The following TJP1 variants were observed in gnomAD, a reference collection of about 807,000 sequenced individuals.
TJP1 encodes the protein tight junction protein 1, also known as tight junction protein ZO-1.
A neutral mutation model predicts 194.2 loss-of-function variants in TJP1; 43 were observed. The observed-to-expected ratio is 0.22, with a 90% CI of 0.17 to 0.29. The LOEUF (loss-of-function observed/expected upper bound fraction) is 0.29. Among genes scored for constraint, TJP1 ranks in the 10% least tolerant of loss-of-function variants. The pLI is 1.00. For missense variants in TJP1, 1,971 were observed against 2,185.7 expected, an observed-to-expected ratio of 0.90 and a Z score of 1.96; for synonymous variants, 801 against 779.0, an observed-to-expected ratio of 1.03 and a Z score of -0.47.
intron 8 of TJP1, among the ~76,000 whole-genome samples, chr15:29,757,083 A>G (rs2045689263): frequency 1.3e-5 from 2 of 152,148 alleles, no homozygotes; most frequent in Non-Finnish European, 2.9e-5. Context: ...GGGGATGCTG[A>G]AACACAGAGG....
chr15:29,874,038 C>T (rs2052615040), intron 2 of TJP1, among the ~76,000 whole-genome samples: 1 of 152,168 alleles, frequency 6.6e-6, no homozygotes. Flanking sequence ...CCTCCTCTCG[C>T]CTGAAATGTA....
rs145456788 is a variant in TJP1 at position 29,897,559 on chromosome 15, A to C, written c.306+58673T>G. ...AGGACCACTGTCCTCCAGACCCCAG[A>C]ATGGTAGATCCACCAACAGCGTGCA... On this transcript the variant is annotated intron_variant, in intron 2 of 28. Coordinates refer to the TJP1 transcript ENST00000356107. Among the ~76,000 whole-genome samples the C allele has an allele frequency of 3.5e-3, 529 of 152,262 alleles. 7 individuals carry two copies. The highest frequency in any genetic ancestry group is 0.012 in the African/African-American group (512 of 41,560).
chr15:29,778,260 A>G (rs369229531), intron 2 of TJP1, among the ~76,000 whole-genome samples: 3 of 151,940 alleles, frequency 2.0e-5, no homozygotes, highest in South Asian at 4.2e-4. Context: ...AACAATTTCA[A>G]AACTGCTTGC....
Position 29,718,990 on chromosome 15 carries a change from C to A in TJP1, c.3152G>T (p.Ser1051Ile). The A allele has an allele frequency of 6.2e-7, 1 of 1,614,176 alleles. No homozygotes were observed. The highest frequency in any genetic ancestry group is 8.5e-7 in the Non-Finnish European group (1 of 1,180,036). Residue 1051 changes from serine (S) to isoleucine (I), a missense_variant, in exon 21 of 28, where the codon AGC becomes ATC. Around this residue, in one of 5 missense-constraint regions of TJP1, gnomAD observed 1,108 missense variants for 1,128.5 expected, o/e 0.98. Transcript: ENST00000614355. ...PQLPYVEKQA[S>I]RDLEQPTYRY... ...GTATGTGGGCTGCTCGAGGTCTCTG[C>A]TGGCTTGTTTCTCTACGTATGGGAG...
At chr15:29,962,554 G>T (rs8037093) in intron 1 of TJP1, among the ~76,000 whole-genome samples, 145,507 of 152,244 alleles carry the variant, frequency 0.96, 69,644 homozygotes, top group East Asian at 1. Flanking sequence ...CTCAAGAGAA[G>T]GCTAATGAGT....
At chr15:29,714,826 C>T (rs1024545832) in intron 23 of TJP1, among the ~76,000 whole-genome samples, 4 of 152,150 alleles carry the variant, frequency 2.6e-5, no homozygotes, top group Non-Finnish European at 5.9e-5. Flanking sequence ...CAGGCACGAG[C>T]CACTGCGCCT....
rs541370220 is a variant in TJP1 at position 29,846,820 on chromosome 15, G to A, written c.307-46118C>T. ...GGGTGCCTGTAGTCCCAGCTACTCAGGAGGCTGCGGCAGGAGAATGGTGTG... is the reference window on the plus strand; with the variant it reads ...GGGTGCCTGTAGTCCCAGCTACTCAAGAGGCTGCGGCAGGAGAATGGTGTG... On this transcript the variant is annotated intron_variant, in intron 2 of 28. Transcript: ENST00000356107. Among the ~76,000 whole-genome samples the A allele has an allele frequency of 3.0e-4, 45 of 152,084 alleles. No homozygotes were observed. The East Asian group carries it at 3.6e-3, about 12-fold the overall frequency.
chr15:29,865,484 T>A (rs1277181606), intron 2 of TJP1, among the ~76,000 whole-genome samples: 1 of 152,238 alleles, frequency 6.6e-6, no homozygotes, highest in Non-Finnish European at 1.5e-5. Flanking sequence ...AAAGTTGCCA[T>A]ATCTCTAAGA....
At chr15:29,798,783 G>C (rs535641580) in intron 2 of TJP1, among the ~76,000 whole-genome samples, 144 of 152,236 alleles carry the variant, frequency 9.5e-4, no homozygotes, top group African/African-American at 3.4e-3. Flanking sequence ...ACTGGAGAAC[G>C]AACACACAAT....
At chr15:29,851,292 G>T (rs891434066) in intron 2 of TJP1, among the ~76,000 whole-genome samples, 2 of 151,872 alleles carry the variant, frequency 1.3e-5, no homozygotes, top group African/African-American at 4.8e-5. Context: ...TAAAATAAGG[G>T]ATATCACTAC....
rs760101723 is a variant in TJP1, at chr15:29,741,350, G to A, written c.1237C>T (p.His413Tyr). 6.3e-7 allele frequency: 1 copy of A among 1,591,948 alleles called. No individual in the cohort carries two copies. The highest frequency in any genetic ancestry group is 2.2e-5 in the East Asian group (1 of 44,526). Residue 413 changes from histidine (H) to tyrosine (Y), a missense_variant, in exon 10 of 28, where the codon CAT becomes TAT. His to Tyr is a moderately conservative substitution (Grantham distance 83). Coordinates refer to ENST00000614355, the MANE Select transcript of TJP1 (RefSeq NM_001330239.4). ...TATTACCGAAGAATCCCATCTTCAT[G>A]AGTTGAATTAGGTAGGACACCATCA... The part of the protein sequence containing the change: ...PSDGVLPNST[H>Y]EDGILRPSMK...
intron 8 of TJP1, among the ~76,000 whole-genome samples, chr15:29,756,635 GCTCT>G (rs2045660638): frequency 6.6e-6 from 1 of 152,116 alleles, no homozygotes; most frequent in Non-Finnish European, 1.5e-5. Flanking sequence ...CCATATGTTT[GCTCT>G]CTAAGAAAAG....
rs778121002 is a variant in TJP1 at position 29,968,649 on chromosome 15, C to T, written c.173+18G>A. The T allele has an allele frequency of 1.5e-4, 151 of 1,034,764 alleles. 1 individual carries two copies. The East Asian group carries it at 0.01, about 71-fold the overall frequency. 64.1% of individuals were successfully genotyped at this position (1,034,764 alleles called of 1,614,324 possible). A position where few individuals can be genotyped will look rare whatever the true frequency, so the allele number is the denominator to read the frequency against. Reference sequence around the variant, plus strand: ...CGCCTAGCCCGGCTGGGGCTCCGCGCCCGCGCGGCCGCCTCACCACAGCTT... The same window carrying T: ...CGCCTAGCCCGGCTGGGGCTCCGCGTCCGCGCGGCCGCCTCACCACAGCTT... On this transcript the variant is annotated intron_variant, in intron 1 of 28. Transcript: ENST00000356107.
intron 1 of TJP1, among the ~76,000 whole-genome samples, chr15:29,805,787 C>T (rs924376259): frequency 1.3e-5 from 2 of 152,170 alleles, no homozygotes; most frequent in Middle Eastern, 3.2e-3. Flanking sequence ...AGGACTGTGT[C>T]TGCTGTGAAG....
At chr15:29,709,160 C>T (rs1312424470) in intron 24 of TJP1, 124 bp from the exon 25 acceptor site, 3 of 866,160 alleles carry the variant, frequency 3.5e-6, no homozygotes, top group Admixed American at 2.7e-5. Context: ...CAGAGCCTGA[C>T]TCTTGAGCCC....
At chr15:29,847,821 A>C (rs966841940) in intron 2 of TJP1, among the ~76,000 whole-genome samples, 11 of 152,150 alleles carry the variant, frequency 7.2e-5, no homozygotes, top group African/African-American at 2.7e-4. Context: ...AATAAAAAAT[A>C]GAGTAAGCGG....
chr15:29,797,211 C>T (rs370688649), intron 2 of TJP1, among the ~76,000 whole-genome samples: 9 of 152,150 alleles, frequency 5.9e-5, no homozygotes, highest in Admixed American at 1.3e-4. Context: ...TGCAGTGGCA[C>T]GATGTCAGGG....
intron 8 of TJP1, among the ~76,000 whole-genome samples, chr15:29,754,856 T>C (rs1167710005): frequency 1.3e-5 from 2 of 152,228 alleles, no homozygotes; most frequent in African/African-American, 4.8e-5. Flanking sequence ...ACGCTCAACC[T>C]GTATGTAAGT....
Position 29,844,067 on chromosome 15 carries a change from CAG to C in TJP1, c.307-43367_307-43366del, listed in dbSNP as rs536337681. Among the ~76,000 whole-genome samples, 173 of 152,258 alleles carry C rather than the reference CAG, an allele frequency of 1.1e-3. 1 individual carries two copies. Among genetic ancestry groups the C allele is most frequent in the African/African-American group, 3.9e-3 (163 of 41,536 alleles). ...TGTTTTTTTGTGTGTTGTTTTGAAACAGAGTCTTGCTCTGTCGCCCAGGCTGG... is the reference window on the plus strand; with the variant it reads ...TGTTTTTTTGTGTGTTGTTTTGAAACAGTCTTGCTCTGTCGCCCAGGCTGG... On this transcript the variant is annotated intron_variant, in intron 2 of 28. Transcript: ENST00000356107.
Sources: allele counts gnomAD v4.1 joint callset (sites outside exome capture counted in the v4.1 genomes callset), GRCh38; gene constraint gnomAD v4.1.1; regional missense constraint gnomAD v4.1.1; transcripts MANE v1.5; gene names NCBI Gene and HGNC (gene_info 2026-07-23, HGNC 2026-07-21).